Variants in PTPRM observed in about 807,000 individuals in gnomAD.
PTPRM encodes protein tyrosine phosphatase receptor type M, also known as receptor-type tyrosine-protein phosphatase mu.
A neutral mutation model predicts 186.7 loss-of-function variants in PTPRM; 47 were observed. The ratio of observed to expected loss-of-function variants is 0.25; its 90% CI spans 0.20 to 0.32. The LOEUF is 0.32. Among genes scored for constraint, PTPRM ranks in the 10% least tolerant of loss-of-function variants. PTPRM has a pLI of 1.00. For synonymous variants in PTPRM, 668 were observed against 674.9 expected, an observed-to-expected ratio of 0.99 and a Z score of 0.16; for missense variants, 1,494 against 1,865.0, an observed-to-expected ratio of 0.80 and a Z score of 3.66.
intron 2 of PTPRM, among the ~76,000 whole-genome samples, chr18:7,862,236 G>A (rs951632904): frequency 1.3e-5 from 2 of 152,114 alleles, no homozygotes; most frequent in Admixed American, 6.5e-5. Flanking sequence ...TTATTTATCA[G>A]TGCCCTAATA....
intron 1 of PTPRM, among the ~76,000 whole-genome samples, chr18:7,715,543 A>G (rs569739761): frequency 2.6e-5 from 4 of 152,186 alleles, no homozygotes; most frequent in African/African-American, 9.7e-5. Flanking sequence ...AGGGTATTCA[A>G]ATAGGAAGAG....
chr18:7,930,076 A>T (rs764082942), intron 5 of PTPRM, among the ~76,000 whole-genome samples: 1 of 152,046 alleles, frequency 6.6e-6, no homozygotes, highest in Non-Finnish European at 1.5e-5. Flanking sequence ...AATCATTTAC[A>T]ATATTTTTTT....
intron 19 of PTPRM, among the ~76,000 whole-genome samples, chr18:8,268,360 C>G (rs942649995): frequency 5.3e-5 from 8 of 152,000 alleles, no homozygotes; most frequent in African/African-American, 1.9e-4. Context: ...GGGTAAATTC[C>G]TAGAAACGTA....
At chr18:7,601,132 C>A (rs1024621548) in intron 1 of PTPRM, among the ~76,000 whole-genome samples, 2 of 152,200 alleles carry the variant, frequency 1.3e-5, no homozygotes, top group East Asian at 3.9e-4. Flanking sequence ...TACAGGGGAA[C>A]AAATGTCCAC....
intron 32 of PTPRM, among the ~76,000 whole-genome samples, chr18:8,394,911 T>C (rs536298564): frequency 6.6e-6 from 1 of 152,320 alleles, no homozygotes; most frequent in East Asian, 1.9e-4. Context: ...GCTAAGCACT[T>C]AGTCTTCACA....
At chr18:7,596,595 A>G (rs1334871275) in intron 1 of PTPRM, among the ~76,000 whole-genome samples, 4 of 152,144 alleles carry the variant, frequency 2.6e-5, no homozygotes, top group African/African-American at 9.7e-5. Flanking sequence ...ACTTCATCAT[A>G]GGTATGTGCA....
chr18:7,789,436 C>T (rs1598724310), intron 2 of PTPRM, among the ~76,000 whole-genome samples: 1 of 152,204 alleles, frequency 6.6e-6, no homozygotes, highest in African/African-American at 2.4e-5. Flanking sequence ...CTTTACTTGA[C>T]AGAAAAATCA....
Position 7,880,575 on chromosome 18 carries a change from G to A in PTPRM, c.197-7531G>A, listed in dbSNP as rs188646728. 9.2e-5 allele frequency among the ~76,000 whole-genome samples: 14 copies of A among 152,322 alleles called. No individual in the cohort carries two copies. The East Asian group carries it at 2.1e-3, about 23-fold the overall frequency. The stretch of plus-strand genomic sequence containing the variant: ...ATCTGGTCTGCAGAATGTGAATGCA[G>A]CTTGGAGACTGTGGTTTCATCAGAC... On this transcript the variant is annotated intron_variant, in intron 2 of 32. Coordinates refer to ENST00000580170, the MANE Select transcript of PTPRM (RefSeq NM_001105244.2).
intron 1 of PTPRM, among the ~76,000 whole-genome samples, chr18:7,694,520 G>A (rs1198157930): frequency 1.3e-4 from 20 of 149,780 alleles, no homozygotes; most frequent in African/African-American, 4.4e-4. Flanking sequence ...TCTGCCACCC[G>A]GGTTCAAGTG....
At chr18:7,635,349 C>T (rs1452849725) in intron 1 of PTPRM, among the ~76,000 whole-genome samples, 2 of 152,080 alleles carry the variant, frequency 1.3e-5, no homozygotes, top group Non-Finnish European at 2.9e-5. Context: ...TCTGCTCTTC[C>T]ACCAGGTAAG....
chr18:7,876,669 G>T (rs1270072782), intron 2 of PTPRM, among the ~76,000 whole-genome samples: 2 of 152,206 alleles, frequency 1.3e-5, no homozygotes, highest in East Asian at 3.9e-4. Context: ...CCCCGTGGTA[G>T]TGAGCATGTT....
intron 4 of PTPRM, among the ~76,000 whole-genome samples, chr18:7,925,584 G>A (rs2051123120): frequency 6.6e-6 from 1 of 152,114 alleles, no homozygotes; most frequent in South Asian, 2.1e-4. Context: ...TTGCAGTGGG[G>A]AAAAGCTGGC....
intron 28 of PTPRM, among the ~76,000 whole-genome samples, chr18:8,379,603 C>T (rs1468979817): frequency 6.6e-6 from 1 of 152,164 alleles, no homozygotes; most frequent in East Asian, 1.9e-4. Flanking sequence ...GACTTTTAAC[C>T]TGCTGGCTGG....
intron 1 of PTPRM, among the ~76,000 whole-genome samples, chr18:7,658,330 TTA>T (rs34009975): frequency 0.095 from 11,844 of 124,118 alleles, 821 homozygotes; most frequent in African/African-American, 0.19. Flanking sequence ...TAAAGTAAAT[TTA>T]TATATATATA....
intron 24 of PTPRM, 64 bp downstream of exon 24, chr18:8,371,070 T>G: frequency 3.2e-6 from 3 of 942,596 alleles, no homozygotes; most frequent in Non-Finnish European, 4.9e-6. Context: ...CTAGCCTCAT[T>G]AACTTACCTA....
At chr18:7,676,726 A>C (rs2039352136) in intron 1 of PTPRM, among the ~76,000 whole-genome samples, 1 of 152,050 alleles carries the variant, frequency 6.6e-6, no homozygotes, top group African/African-American at 2.4e-5. Context: ...AGGTGTTAGG[A>C]CACCCAAGTC....
intron 1 of PTPRM, among the ~76,000 whole-genome samples, chr18:7,750,226 TAA>T (rs1321358343): frequency 1.3e-5 from 2 of 152,258 alleles, no homozygotes; most frequent in Admixed American, 1.3e-4. Flanking sequence ...AAGCTAAATT[TAA>T]GTTTATATCC....
chr18:8,309,943 A>G (rs897155840), intron 20 of PTPRM, among the ~76,000 whole-genome samples: 2 of 152,202 alleles, frequency 1.3e-5, no homozygotes, highest in Non-Finnish European at 2.9e-5. Flanking sequence ...AGGAGAATTT[A>G]TACCCAACAA....
At chr18:7,779,446 G>T (rs2042751128) in intron 2 of PTPRM, among the ~76,000 whole-genome samples, 1 of 152,202 alleles carries the variant, frequency 6.6e-6, no homozygotes, top group African/African-American at 2.4e-5. Flanking sequence ...TCAGGATGGA[G>T]CAGCGTGTGC....
Sources: allele counts gnomAD v4.1 joint callset (sites outside exome capture counted in the v4.1 genomes callset), GRCh38; gene constraint gnomAD v4.1.1; transcripts MANE v1.5; gene names NCBI Gene and HGNC (gene_info 2026-07-23, HGNC 2026-07-21).